Variants in DCDC2 observed in about 807,000 individuals in gnomAD.
DCDC2 encodes the protein doublecortin domain-containing protein 2.
A neutral mutation model predicts 50.2 loss-of-function variants in DCDC2; 40 were observed. The ratio of observed to expected loss-of-function variants is 0.80; its 90% CI spans 0.62 to 1.04. The LOEUF is 1.04. DCDC2 is among the 50% of genes least tolerant of loss of function. DCDC2 has a pLI of 0.00. For missense variants in DCDC2, 570 were observed against 581.9 expected (o/e 0.98, Z 0.21); for synonymous variants, 234 against 210.6 (o/e 1.11, Z -0.96).
chr6:24,382,756 T>C, the DCDC2 span, among the ~76,000 whole-genome samples: 2 of 152,192 alleles, frequency 1.3e-5, no homozygotes, highest in Non-Finnish European at 2.9e-5. Context: ...TATTCTTTTC[T>C]TTTTTTCTCT....
In DCDC2 at chr6:24,287,351, A is replaced by G. The variant is rs372973149; in HGVS notation, c.759+1501T>C. Among the ~76,000 whole-genome samples the G allele has an allele frequency of 2.1e-4, 18 of 87,374 alleles. No homozygotes were observed. In the South Asian group the frequency reaches 5.4e-3, roughly 26 times the overall value. The allele number at this position is 87,374 out of a possible 152,430, so 57.3% of individuals were successfully genotyped here. On this transcript the variant is annotated intron_variant, in intron 6 of 9. Coordinates refer to ENST00000378454, the MANE Select transcript of DCDC2 (RefSeq NM_016356.5). ...CTTTGTTTGTATTGTATTGTATTTTATGTTATTTTGTTTCATTTTTTTGAG... is the reference window on the plus strand; with the variant it reads ...CTTTGTTTGTATTGTATTGTATTTTGTGTTATTTTGTTTCATTTTTTTGAG...
At chr6:24,335,155 T>C (rs964175688) in intron 2 of DCDC2, among the ~76,000 whole-genome samples, 1 of 152,116 alleles carries the variant, frequency 6.6e-6, no homozygotes, top group African/African-American at 2.4e-5. Flanking sequence ...GCCCCCAAAA[T>C]TGAAGGGAAG....
At chr6:24,174,973 G>GT (rs1273117912) in intron 9 of DCDC2, 139 bp from the exon 10 acceptor site, 6 of 476,146 alleles carry the variant, frequency 1.3e-5, no homozygotes, top group African/African-American at 4.0e-5. Context: ...GGTTCCCTTT[G>GT]TTTTTTTGTC....
At chr6:24,311,791 A>G (rs1028461399) in intron 2 of DCDC2, among the ~76,000 whole-genome samples, 3 of 152,206 alleles carry the variant, frequency 2.0e-5, no homozygotes, top group African/African-American at 2.4e-5. Context: ...CTTGCAGCAC[A>G]TACGTTCTCA....
intron 7 of DCDC2, among the ~76,000 whole-genome samples, chr6:24,246,532 G>A (rs1421547548): frequency 1.7e-5 from 2 of 119,560 alleles, no homozygotes; most frequent in Non-Finnish European, 3.2e-5. Context: ...TGTCACCTAG[G>A]CTGGAGTTCA....
chr6:24,298,857 C>G (rs888329452), intron 4 of DCDC2, among the ~76,000 whole-genome samples: 9 of 152,156 alleles, frequency 5.9e-5, no homozygotes, highest in Non-Finnish European at 1.0e-4. Flanking sequence ...CAGTATCTAT[C>G]AAAATGTTAA....
intron 8 of DCDC2, among the ~76,000 whole-genome samples, chr6:24,200,218 C>T (rs1761553600): frequency 6.6e-6 from 1 of 152,060 alleles, no homozygotes; most frequent in Non-Finnish European, 1.5e-5. Context: ...TCAGATTCAC[C>T]AAGGTTGAAA....
chr6:24,325,312 C>T (rs1759838137), intron 2 of DCDC2, among the ~76,000 whole-genome samples: 1 of 149,370 alleles, frequency 6.7e-6, no homozygotes, highest in African/African-American at 2.4e-5. Flanking sequence ...GTCCTCTGGG[C>T]GAAAGGAAAA....
upstream of DCDC2, among the ~76,000 whole-genome samples, chr6:24,361,506 T>C (rs1483940221): frequency 6.6e-6 from 1 of 151,198 alleles, no homozygotes; most frequent in Non-Finnish European, 1.5e-5. Flanking sequence ...ACAAGGGAAA[T>C]TTTGTGAGCT....
intron 2 of DCDC2, among the ~76,000 whole-genome samples, chr6:24,315,583 G>A (rs981904945): frequency 2.0e-5 from 3 of 152,066 alleles, no homozygotes; most frequent in African/African-American, 7.2e-5. Context: ...CAAGACCCCT[G>A]CCTTCATGAA....
chr6:24,226,869 C>G (rs1762243637), intron 7 of DCDC2, among the ~76,000 whole-genome samples: 2 of 152,068 alleles, frequency 1.3e-5, no homozygotes, highest in Admixed American at 6.5e-5. Context: ...AACAATGATC[C>G]ACAAAGAATG....
the DCDC2 span, among the ~76,000 whole-genome samples, chr6:24,364,886 C>A: frequency 6.6e-6 from 1 of 152,296 alleles, no homozygotes; most frequent in East Asian, 1.9e-4. Context: ...AATATCCTTT[C>A]AAGGCAACAG....
chr6:24,184,999 T>G (rs545508336), intron 8 of DCDC2, among the ~76,000 whole-genome samples: 31 of 152,356 alleles, frequency 2.0e-4, no homozygotes, highest in African/African-American at 6.5e-4. Context: ...TGAAGTATGT[T>G]AAGACAATCA....
the DCDC2 span, among the ~76,000 whole-genome samples, chr6:24,376,499 AG>A: frequency 4.6e-5 from 7 of 152,186 alleles, no homozygotes; most frequent in African/African-American, 1.7e-4. Context: ...ATAGCACCAA[AG>A]GGTGCTAGAG....
chr6:24,182,385 G>A (rs1458962108), intron 8 of DCDC2, among the ~76,000 whole-genome samples: 1 of 151,968 alleles, frequency 6.6e-6, no homozygotes, highest in Non-Finnish European at 1.5e-5. Context: ...CATAGAATGG[G>A]AGGCAATATT....
intron 2 of DCDC2, among the ~76,000 whole-genome samples, chr6:24,337,945 C>G (rs1760088536): frequency 6.6e-6 from 1 of 152,118 alleles, no homozygotes; most frequent in Non-Finnish European, 1.5e-5. Context: ...AAACCCTTCA[C>G]TCCCACAAAC....
chr6:24,251,693 T>A (rs985810067), intron 7 of DCDC2, among the ~76,000 whole-genome samples: 1 of 152,234 alleles, frequency 6.6e-6, no homozygotes, highest in Non-Finnish European at 1.5e-5. Flanking sequence ...CACAGCACTG[T>A]TGGTCTCTTA....
intron 7 of DCDC2, among the ~76,000 whole-genome samples, chr6:24,226,800 G>A (rs904114049): frequency 6.6e-6 from 1 of 152,164 alleles, no homozygotes; most frequent in African/African-American, 2.4e-5. Flanking sequence ...CAAGCCAAAA[G>A]GTGACTCCGA....
the DCDC2 span, among the ~76,000 whole-genome samples, chr6:24,368,908 C>T: frequency 6.6e-6 from 1 of 151,842 alleles, no homozygotes; most frequent in Non-Finnish European, 1.5e-5. Flanking sequence ...CTGAGGCGGG[C>T]GGATCATTTG....
Sources: allele counts gnomAD v4.1 joint callset (sites outside exome capture counted in the v4.1 genomes callset), GRCh38; gene constraint gnomAD v4.1.1; transcripts MANE v1.5; gene names NCBI Gene and HGNC (gene_info 2026-07-23, HGNC 2026-07-21).